CLPB: variants seen among roughly 807,000 people sequenced by gnomAD.
The protein encoded by CLPB is ClpB family mitochondrial disaggregase, also known as mitochondrial disaggregase.
A neutral mutation model predicts 78.4 loss-of-function variants in CLPB; 40 were observed. The observed-to-expected ratio is 0.51, with a 90% CI of 0.40 to 0.66. CLPB has a LOEUF of 0.66. CLPB is among the 30% of genes least tolerant of loss of function. The pLI is 0.00. For synonymous variants in CLPB, 333 were observed against 348.0 expected, an observed-to-expected ratio of 0.96 and a Z score of 0.48; for missense variants, 780 against 886.9, an observed-to-expected ratio of 0.88 and a Z score of 1.53.
intron 13 of CLPB, 23 bp from the exon 14 acceptor site, chr11:72,294,467 G>C: frequency 6.2e-7 from 1 of 1,613,844 alleles, no homozygotes; most frequent in Non-Finnish European, 8.5e-7. Flanking sequence ...GTTAGGGGTG[G>C]GATGAGCTCA....
intron 1 of CLPB, among the ~76,000 whole-genome samples, chr11:72,432,409 C>A (rs1019527088): frequency 4.6e-5 from 7 of 152,152 alleles, no homozygotes; most frequent in African/African-American, 9.7e-5. Context: ...TCTACTTCAT[C>A]CTTCAGAACT....
chr11:72,430,589 C>T (rs1856516256), intron 1 of CLPB: 2 of 544,440 alleles, frequency 3.7e-6, no homozygotes, highest in Non-Finnish European at 6.6e-6. Context: ...AAACTCTTCA[C>T]TCCTCTCATC....
At position 72,329,732 on chromosome 11, in the gene CLPB, T is replaced by C. The variant is rs1296307749; in HGVS notation, c.848A>G (p.Lys283Arg). ...LDYAREGEVM[K>R]LLRTSEAKYQ... The stretch of plus-strand genomic sequence containing the variant: ...CTTGGCTTCAGAAGTCCTCAGAAGC[T>C]TCATCACTTCCCCTTCTCGGGCATA... Residue 283 changes from lysine (K) to arginine (R), a missense_variant, in exon 6 of 16, where the codon AAG becomes AGG. Around this residue, in one of 3 missense-constraint regions of CLPB, gnomAD observed 417 missense variants for 414.7 expected, o/e 1.01. Coordinates refer to ENST00000538039, the MANE Select transcript of CLPB (RefSeq NM_001258392.3). 6.2e-7 allele frequency: 1 copy of C among 1,613,872 alleles called. No individual in the cohort carries two copies. The highest frequency in any genetic ancestry group is 1.1e-5 in the South Asian group (1 of 91,072).
At chr11:72,383,456 G>A (rs556871911) in intron 3 of CLPB, among the ~76,000 whole-genome samples, 9 of 151,570 alleles carry the variant, frequency 5.9e-5, no homozygotes, top group Middle Eastern at 3.4e-3. Context: ...GCGTGAACCC[G>A]GGAGGCAGAG....
chr11:72,347,928 G>A (rs528000112), intron 5 of CLPB, among the ~76,000 whole-genome samples: 2 of 152,330 alleles, frequency 1.3e-5, no homozygotes, highest in East Asian at 3.9e-4. Flanking sequence ...TGGCTTTGAG[G>A]ATGGATGGCA....
At chr11:72,391,325 G>A (rs2135047157) in intron 3 of CLPB, among the ~76,000 whole-genome samples, 1 of 152,274 alleles carries the variant, frequency 6.6e-6, no homozygotes, top group Middle Eastern at 3.4e-3. Context: ...TGCCTTCTCT[G>A]ATTCCCAGTA....
At chr11:72,416,026 C>T (rs765487778) in intron 2 of CLPB, among the ~76,000 whole-genome samples, 2 of 152,148 alleles carry the variant, frequency 1.3e-5, no homozygotes, top group African/African-American at 2.4e-5. Flanking sequence ...GAAAAGGAAG[C>T]CATGTAGTCC....
intron 4 of CLPB, among the ~76,000 whole-genome samples, chr11:72,374,105 A>G (rs1222182495): frequency 6.6e-6 from 1 of 152,174 alleles, no homozygotes; most frequent in Non-Finnish European, 1.5e-5. Context: ...TACAGAATCC[A>G]TGATGGGCAG....
chr11:72,356,919 G>A (rs2135603724), intron 5 of CLPB: 1 of 152,348 alleles, frequency 6.6e-6, no homozygotes, highest in Admixed American at 6.5e-5. Context: ...CAGAGATAAT[G>A]TCCTTGGTGA....
At chr11:72,341,886 T>C (rs1168580645) in intron 5 of CLPB, among the ~76,000 whole-genome samples, 1 of 152,152 alleles carries the variant, frequency 6.6e-6, no homozygotes, top group Non-Finnish European at 1.5e-5. Context: ...TGACATGGTT[T>C]TGTGAGATGG....
intron 2 of CLPB, chr11:72,428,761 C>T (rs1856461547): frequency 1.3e-5 from 2 of 152,208 alleles, no homozygotes; most frequent in African/African-American, 2.4e-5. Flanking sequence ...ACTATCCACA[C>T]GAGAATGAAT....
At chr11:72,388,773 A>G (rs1307611334) in intron 3 of CLPB, among the ~76,000 whole-genome samples, 2 of 152,252 alleles carry the variant, frequency 1.3e-5, no homozygotes, top group East Asian at 1.9e-4. Context: ...AGATCGGGCT[A>G]GAGGGCTACA....
chr11:72,339,056 TG>T (rs1950371540), intron 5 of CLPB, among the ~76,000 whole-genome samples: 1 of 152,314 alleles, frequency 6.6e-6, no homozygotes, highest in African/African-American at 2.4e-5. Context: ...GAGTTTCCAC[TG>T]GCAGCAAACA....
chr11:72,290,407 G>C lies in CLPB; in HGVS notation c.*2960C>G, dbSNP rs1202628772. The C allele has an allele frequency of 6.6e-6, 1 of 152,064 alleles. No individual in the cohort carries two copies. 9.4% of individuals were successfully genotyped at this position (152,064 alleles called of 1,614,324 possible). On this transcript the variant is annotated 3_prime_UTR_variant, in exon 16 of 16. Coordinates refer to ENST00000538039, the MANE Select transcript of CLPB (RefSeq NM_001258392.3). ...AAAGGGACAGCTCTTCCTTATAGTA[G>C]AATACCAATTAATAAATACAGGTAA...
At position 72,368,398 on chromosome 11, in the gene CLPB, G is replaced by A. The variant is rs193019254; in HGVS notation, c.647-9390C>T. Among the ~76,000 whole-genome samples, 24 of 152,296 alleles carry A rather than the reference G, an allele frequency of 1.6e-4. 1 individual carries two copies. The East Asian group carries it at 4.0e-3, about 26-fold the overall frequency. On this transcript the variant is annotated intron_variant, in intron 4 of 15. Coordinates refer to ENST00000538039, the MANE Select transcript of CLPB (RefSeq NM_001258392.3). ...AACGAAGAAACTGACACTTAGAGAA[G>A]TTATGTATCTTACAAAGTCACACTG...
At chr11:72,403,426 C>T (rs1037721361) in intron 2 of CLPB, among the ~76,000 whole-genome samples, 5 of 152,176 alleles carry the variant, frequency 3.3e-5, no homozygotes, top group African/African-American at 7.2e-5. Flanking sequence ...TGCTCTCTCC[C>T]GGCTCCTTTG....
Position 72,308,614 on chromosome 11 carries a change from AAC to A in CLPB, c.989-12_989-11del. The A allele has an allele frequency of 6.2e-7, 1 of 1,613,112 alleles. No individual in the cohort carries two copies. Among genetic ancestry groups the A allele is most frequent in the Non-Finnish European group, 8.5e-7 (1 of 1,179,014 alleles). ...TCCTTCCTCCGGATCGCTACGGCCA[AAC>A]ACACAAGATCAGGGGACAGGGAGGG... On this transcript the variant is annotated splice_polypyrimidine_tract_variant and intron_variant, in intron 7 of 15. Transcript: ENST00000538039.
intron 5 of CLPB, among the ~76,000 whole-genome samples, chr11:72,353,549 G>A (rs1417288115): frequency 6.6e-6 from 1 of 152,200 alleles, no homozygotes; most frequent in Non-Finnish European, 1.5e-5. Context: ...CAGTGGTTTT[G>A]GAGATTTATC....
chr11:72,302,194 G>A (rs969565232), intron 10 of CLPB, 110 bp downstream of exon 10: 11 of 1,235,256 alleles, frequency 8.9e-6, no homozygotes, highest in African/African-American at 3.0e-5. Flanking sequence ...TGCTCCCAAC[G>A]ACAAATCCCA....
Sources: gnomAD v4.1 joint callset for allele counts (sites outside exome capture counted in the v4.1 genomes callset) on GRCh38, gnomAD v4.1.1 for gene constraint, gnomAD v4.1.1 regional missense constraint, MANE v1.5 for transcripts, NCBI Gene and HGNC (gene_info 2026-07-23, HGNC 2026-07-21) for gene names.